The following BMPR1A variants were observed in gnomAD, a reference collection of about 807,000 sequenced individuals.
BMPR1A encodes the protein bone morphogenetic protein receptor type 1A.
Under a neutral mutation model 66.0 loss-of-function variants are expected in BMPR1A, and 7 were observed. That is an observed-to-expected ratio of 0.11 (90% CI 0.06 to 0.20). The LOEUF (loss-of-function observed/expected upper bound fraction) is 0.20, where lower values mean the gene tolerates loss of function less well. BMPR1A is among the 10% of genes least tolerant of loss of function. The pLI, the probability that BMPR1A is intolerant of heterozygous loss-of-function variation, is 1.00. For missense variants in BMPR1A, 408 were observed against 669.1 expected, an observed-to-expected ratio of 0.61 and a Z score of 4.31; for synonymous variants, 200 against 229.7, an observed-to-expected ratio of 0.87 and a Z score of 1.17.
rs34683915 is a variant in BMPR1A, at chr10:86,825,473, T to TTGTG, written c.-267-13371_-267-13368dup. Among the ~76,000 whole-genome samples the TTGTG allele has an allele frequency of 1.6e-3, 233 of 148,864 alleles. 1 individual carries two copies. Among genetic ancestry groups the TTGTG allele is most frequent in the Middle Eastern group, 6.8e-3 (2 of 292 alleles). Reference sequence around the variant, plus strand: ...TAATTTTTCATTTAACTTTTTTTGTTTGTGTGTGTGTGTGTGTGTGTGTGA... The same window carrying TTGTG: ...TAATTTTTCATTTAACTTTTTTTGTTTGTGTGTGTGTGTGTGTGTGTGTGTGTGA... On this transcript the variant is annotated intron_variant, in intron 1 of 12. Coordinates refer to ENST00000372037, the MANE Select transcript of BMPR1A (RefSeq NM_004329.3).
At chr10:86,766,625 T>TTTTTTTTC (rs1260575185) in intron 1 of BMPR1A, among the ~76,000 whole-genome samples, 1 of 150,082 alleles carries the variant, frequency 6.7e-6, no homozygotes, top group Non-Finnish European at 1.5e-5. Context: ...GTCTTTTTTT[T>TTTTTTTTC]TTTTTTTTGA....
chr10:86,781,361 G>T (rs1160243596), intron 1 of BMPR1A, among the ~76,000 whole-genome samples: 1 of 152,090 alleles, frequency 6.6e-6, no homozygotes. Context: ...ATTAATTTCT[G>T]GGTTCTCTGT....
Position 86,925,024 on chromosome 10 carries a change from A to G in BMPR1A, c.*1305A>G, listed in dbSNP as rs1394634690. The stretch of plus-strand genomic sequence containing the variant: ...GCTGTTATAAATTTATCAACTGTCA[A>G]ATATGTTCTGGACAGCTAAATCATT... On this transcript the variant is annotated 3_prime_UTR_variant, in exon 13 of 13. Transcript: ENST00000372037. 1 of 232,162 alleles carries G rather than the reference A, an allele frequency of 4.3e-6. No homozygotes were observed. 14.4% of individuals were successfully genotyped at this position (232,162 alleles called of 1,614,324 possible).
intron 1 of BMPR1A, among the ~76,000 whole-genome samples, chr10:86,778,793 A>G (rs919008934): frequency 4.0e-5 from 6 of 151,770 alleles, no homozygotes; most frequent in East Asian, 3.9e-4. Flanking sequence ...TGTTTTACTT[A>G]TAAGTTTTTT....
At chr10:86,847,372 G>T (rs1382794291) in intron 2 of BMPR1A, among the ~76,000 whole-genome samples, 1 of 151,470 alleles carries the variant, frequency 6.6e-6, no homozygotes, top group South Asian at 2.1e-4. Context: ...TTCCAGTCTC[G>T]GTGTCACAGA....
intron 2 of BMPR1A, among the ~76,000 whole-genome samples, chr10:86,875,434 C>G (rs1229308402): frequency 6.6e-6 from 1 of 152,108 alleles, no homozygotes; most frequent in African/African-American, 2.4e-5. Context: ...CCTCTTCTAT[C>G]TATAGAATAA....
chr10:86,877,948 G>A (rs1021990112), intron 3 of BMPR1A, among the ~76,000 whole-genome samples: 6 of 152,136 alleles, frequency 3.9e-5, no homozygotes, highest in African/African-American at 7.2e-5. Flanking sequence ...TAGTTACTAC[G>A]TAAAAGCAAA....
chr10:86,847,921 T>C (rs1842509244), intron 2 of BMPR1A, among the ~76,000 whole-genome samples: 1 of 151,800 alleles, frequency 6.6e-6, no homozygotes, highest in Admixed American at 6.6e-5. Flanking sequence ...TTAATATCTT[T>C]ATAGAAAATG....
intron 1 of BMPR1A, among the ~76,000 whole-genome samples, chr10:86,767,167 A>G (rs960002904): frequency 1.3e-5 from 2 of 152,186 alleles, no homozygotes; most frequent in Non-Finnish European, 2.9e-5. Context: ...CTGAAAAAAC[A>G]TTCATGATAT....
At chr10:86,923,045 C>G (rs1038996047) in intron 11 of BMPR1A, among the ~76,000 whole-genome samples, 1 of 152,212 alleles carries the variant, frequency 6.6e-6, no homozygotes, top group Non-Finnish European at 1.5e-5. Context: ...AAAAACTATT[C>G]ATTAGTAGGA....
chr10:86,791,885 C>CTTT (rs548020994), intron 1 of BMPR1A, among the ~76,000 whole-genome samples: 5,848 of 137,414 alleles, frequency 0.043, 171 homozygotes, highest in South Asian at 0.081. Flanking sequence ...CCATGCCTGG[C>CTTT]TTTTTTTTTT....
intron 1 of BMPR1A, among the ~76,000 whole-genome samples, chr10:86,778,089 G>A (rs988135684): frequency 2.6e-5 from 4 of 151,998 alleles, no homozygotes; most frequent in African/African-American, 9.7e-5. Flanking sequence ...TATTTATGGG[G>A]TATGTAGTGA....
chr10:86,866,544 G>GAC (rs1842790505), intron 2 of BMPR1A, among the ~76,000 whole-genome samples: 8 of 151,298 alleles, frequency 5.3e-5, no homozygotes, highest in Admixed American at 4.6e-4. Flanking sequence ...GAGTAGCTGG[G>GAC]TTTGCAGGTG....
chr10:86,871,362 T>C (rs963824398), intron 2 of BMPR1A, among the ~76,000 whole-genome samples: 4 of 152,208 alleles, frequency 2.6e-5, no homozygotes, highest in Non-Finnish European at 5.9e-5. Context: ...TCATGAAGGC[T>C]GGGCCTGTTT....
At chr10:86,807,369 A>G (rs1325618494) in intron 1 of BMPR1A, among the ~76,000 whole-genome samples, 1 of 152,076 alleles carries the variant, frequency 6.6e-6, no homozygotes, top group Admixed American at 6.6e-5. Context: ...AGTGAAATGC[A>G]TAGTTCTTTT....
At chr10:86,781,214 G>A (rs1372907624) in intron 1 of BMPR1A, among the ~76,000 whole-genome samples, 1 of 152,142 alleles carries the variant, frequency 6.6e-6, no homozygotes, top group Non-Finnish European at 1.5e-5. Flanking sequence ...TGTATAGGGT[G>A]AGTGTTGGGC....
Position 86,900,080 on chromosome 10 carries a change from G to C in BMPR1A, c.484G>C (p.Val162Leu), listed in dbSNP as rs1843287316. Residue 162 changes from valine to leucine, a missense_variant, in exon 7 of 13, where the codon GTC (valine) becomes CTC (leucine). This residue lies in a region of BMPR1A where 174 missense variants were observed against 265.1 expected (regional missense o/e 0.66). Coordinates refer to ENST00000372037, the MANE Select transcript of BMPR1A (RefSeq NM_004329.3). ...RWLVLLISMAVCIIAMIIFSS... is the reference protein window; with the variant it reads ...RWLVLLISMALCIIAMIIFSS... Reference sequence around the variant, plus strand: ...GCTGGTTTTGCTCATTTCTATGGCTGTCTGCATAATTGCTATGATCATCTT... The same window carrying C: ...GCTGGTTTTGCTCATTTCTATGGCTCTCTGCATAATTGCTATGATCATCTT... The C allele has an allele frequency of 1.2e-6, 2 of 1,613,940 alleles. No individual in the cohort carries two copies. The highest frequency in any genetic ancestry group is 1.7e-6 in the Non-Finnish European group (2 of 1,180,040).
At chr10:86,837,220 T>C (rs1424415360) in intron 1 of BMPR1A, among the ~76,000 whole-genome samples, 1 of 149,388 alleles carries the variant, frequency 6.7e-6, no homozygotes, top group Non-Finnish European at 1.5e-5. Flanking sequence ...TCTGGCAGAA[T>C]TAGAATCAGG....
At chr10:86,826,129 G>A (rs1182505677) in intron 1 of BMPR1A, among the ~76,000 whole-genome samples, 1 of 134,084 alleles carries the variant, frequency 7.5e-6, no homozygotes, top group African/African-American at 2.5e-5. Context: ...CCATTTGAAA[G>A]TAAGCTGCAA....
Sources: gnomAD v4.1 joint callset for allele counts (sites outside exome capture counted in the v4.1 genomes callset) on GRCh38, gnomAD v4.1.1 for gene constraint, gnomAD v4.1.1 regional missense constraint, MANE v1.5 for transcripts, NCBI Gene and HGNC (gene_info 2026-07-23, HGNC 2026-07-21) for gene names.